NME8: variants seen among roughly 807,000 people sequenced by gnomAD.
NME8 encodes the protein protein NME8.
Under a neutral mutation model 82.3 loss-of-function variants are expected in NME8, and 72 were observed. The observed-to-expected ratio is 0.87, with a 90% confidence interval of 0.72 to 1.06. The LOEUF is 1.06. Among genes scored for constraint, NME8 ranks in the 50% least tolerant of loss-of-function variants. NME8 has a pLI of 0.00. For missense variants in NME8, 712 were observed against 685.4 expected, an observed-to-expected ratio of 1.04 and a Z score of -0.43; for synonymous variants, 267 against 228.5, an observed-to-expected ratio of 1.17 and a Z score of -1.52.
intron 5 of NME8, among the ~76,000 whole-genome samples, chr7:37,855,031 G>A (rs985625986): frequency 6.6e-6 from 1 of 152,096 alleles, no homozygotes. Flanking sequence ...CTCTTCCATA[G>A]CACTGACATT....
At chr7:37,871,896 T>A (rs1231783702) in intron 11 of NME8, among the ~76,000 whole-genome samples, 1 of 151,860 alleles carries the variant, frequency 6.6e-6, no homozygotes, top group African/African-American at 2.4e-5. Flanking sequence ...ATCAGGGAAG[T>A]CTGAATGCTA....
chr7:37,896,554 G>C (rs1030702979), intron 16 of NME8, among the ~76,000 whole-genome samples: 1 of 152,212 alleles, frequency 6.6e-6, no homozygotes, highest in Non-Finnish European at 1.5e-5. Context: ...CCCTGAAGCG[G>C]TTAGAGGCTG....
chr7:37,883,539 C>G (rs547203202), intron 12 of NME8, among the ~76,000 whole-genome samples: 4 of 152,124 alleles, frequency 2.6e-5, no homozygotes, highest in African/African-American at 9.7e-5. Context: ...TAAGGCTGTT[C>G]AAGATCTTAG....
At chr7:37,892,582 C>A (rs571118257) in intron 15 of NME8, among the ~76,000 whole-genome samples, 1 of 151,882 alleles carries the variant, frequency 6.6e-6, no homozygotes, top group Admixed American at 6.6e-5. Flanking sequence ...CTGTATCTAT[C>A]ACTTTCCCTA....
intron 5 of NME8, among the ~76,000 whole-genome samples, chr7:37,853,266 T>C (rs993222502): frequency 1.3e-5 from 2 of 152,198 alleles, no homozygotes; most frequent in African/African-American, 4.8e-5. Context: ...TTTATCCCAG[T>C]CTGTGGCTGG....
intron 11 of NME8, among the ~76,000 whole-genome samples, chr7:37,874,354 G>A (rs77449666): frequency 0.06 from 9,075 of 152,166 alleles, 372 homozygotes; most frequent in East Asian, 0.12. Flanking sequence ...TGGCAAAATG[G>A]TTCAAAGATC....
intron 11 of NME8, among the ~76,000 whole-genome samples, chr7:37,868,919 G>A (rs1014011979): frequency 1.3e-5 from 2 of 152,196 alleles, no homozygotes; most frequent in Non-Finnish European, 2.9e-5. Flanking sequence ...GTTTGCGCCT[G>A]TTATTCCTCT....
intron 6 of NME8, among the ~76,000 whole-genome samples, chr7:37,858,222 C>T (rs909434012): frequency 1.1e-4 from 17 of 152,136 alleles, no homozygotes; most frequent in African/African-American, 4.1e-4. Context: ...ATAGACAGGA[C>T]TTGGACTGTT....
intron 11 of NME8, among the ~76,000 whole-genome samples, chr7:37,869,019 T>C (rs548968329): frequency 3.3e-5 from 5 of 152,184 alleles, no homozygotes; most frequent in Non-Finnish European, 5.9e-5. Flanking sequence ...TTAGAGTATC[T>C]GAGCCTTGAG....
At chr7:37,875,035 A>G (rs1032971071) in intron 11 of NME8, among the ~76,000 whole-genome samples, 1 of 152,330 alleles carries the variant, frequency 6.6e-6, no homozygotes, top group African/African-American at 2.4e-5. Flanking sequence ...TTTTCCTGCC[A>G]AAGGTTCATA....
At chr7:37,869,700 C>T (rs918467707) in intron 11 of NME8, among the ~76,000 whole-genome samples, 1 of 152,112 alleles carries the variant, frequency 6.6e-6, no homozygotes, top group African/African-American at 2.4e-5. Flanking sequence ...TATTTCCTTT[C>T]TAAACTTAGA....
intron 6 of NME8, among the ~76,000 whole-genome samples, chr7:37,859,479 T>C (rs1238794469): frequency 6.6e-6 from 1 of 152,222 alleles, no homozygotes; most frequent in Non-Finnish European, 1.5e-5. Flanking sequence ...CCTTCTTCCT[T>C]TGGACACTCT....
At chr7:37,872,015 TC>T (rs1210107031) in intron 11 of NME8, among the ~76,000 whole-genome samples, 1 of 151,716 alleles carries the variant, frequency 6.6e-6, no homozygotes, top group African/African-American at 2.4e-5. Context: ...TCTGTTCAGG[TC>T]CCTAGGGCAG....
chr7:37,874,267 A>T (rs1162921177), intron 11 of NME8, among the ~76,000 whole-genome samples: 1 of 152,214 alleles, frequency 6.6e-6, no homozygotes, highest in Non-Finnish European at 1.5e-5. Flanking sequence ...ACAGCTGATG[A>T]AGGACTCTAG....
intron 5 of NME8, 119 bp from the exon 6 acceptor site, chr7:37,857,155 T>A: frequency 1.3e-6 from 1 of 752,004 alleles, no homozygotes; most frequent in Non-Finnish European, 2.2e-6. Context: ...CACTAAGGCA[T>A]ACCGAATGTT....
chr7:37,894,048 G>T (rs1204857370), intron 15 of NME8, among the ~76,000 whole-genome samples: 1 of 152,160 alleles, frequency 6.6e-6, no homozygotes, highest in Non-Finnish European at 1.5e-5. Context: ...GACAACATTT[G>T]CTTTGTTTAA....
In NME8 at chr7:37,890,179, A is replaced by C. The variant is rs999966613; in HGVS notation, c.1399+1751A>C. On this transcript the variant is annotated intron_variant, in intron 15 of 17. Transcript: ENST00000199447. ...TATTTATTTTTAGCCTTTTTGAATC[A>C]CTTTTTTTAGGCTTGTCTCACACAT... 9.9e-5 allele frequency among the ~76,000 whole-genome samples: 15 copies of C among 151,702 alleles called. 1 individual carries two copies. Among genetic ancestry groups the C allele is most frequent in the African/African-American group, 3.6e-4 (15 of 41,294 alleles).
intron 14 of NME8, 152 bp from the exon 15 acceptor site, chr7:37,888,125 C>T (rs898272949): frequency 1.4e-6 from 1 of 723,172 alleles, no homozygotes; most frequent in Non-Finnish European, 2.4e-6. Context: ...AAGTAGCATG[C>T]CCTAAGCCGC....
chr7:37,895,695 G>T (rs1785216806), intron 16 of NME8, among the ~76,000 whole-genome samples: 2 of 151,968 alleles, frequency 1.3e-5, no homozygotes, highest in Admixed American at 1.3e-4. Flanking sequence ...TACAGCAGTA[G>T]TCCCATAAGA....
Sources: gnomAD v4.1 joint callset for allele counts (sites outside exome capture counted in the v4.1 genomes callset) on GRCh38, gnomAD v4.1.1 for gene constraint, MANE v1.5 for transcripts, NCBI Gene and HGNC (gene_info 2026-07-23, HGNC 2026-07-21) for gene names.